The following ACER3 variants were observed in gnomAD, a reference collection of about 807,000 sequenced individuals.
ACER3 encodes the protein alkaline ceramidase 3.
In ACER3, 16 loss-of-function variants were observed where a neutral mutation model predicts 48.9. That is an observed-to-expected ratio of 0.33 (90% CI 0.22 to 0.50). ACER3 has a LOEUF of 0.50. ACER3 is among the 20% of genes least tolerant of loss of function. The pLI is 0.98. For missense variants in ACER3, 227 were observed against 326.0 expected, an observed-to-expected ratio of 0.70 and a Z score of 2.34; for synonymous variants, 109 against 107.8, an observed-to-expected ratio of 1.01 and a Z score of -0.07.
chr11:76,947,855 T>C (rs983487105), intron 2 of ACER3, among the ~76,000 whole-genome samples: 4 of 152,220 alleles, frequency 2.6e-5, no homozygotes, highest in African/African-American at 9.6e-5. Context: ...ACATTTGGAA[T>C]AAACATGTTT....
chr11:77,016,531 A>T (rs1426121998), intron 8 of ACER3, 144 bp from the exon 9 acceptor site: 1 of 462,038 alleles, frequency 2.2e-6, no homozygotes, highest in Non-Finnish European at 3.9e-6. Flanking sequence ...TACTTTGGAT[A>T]ACAATGTGGC....
At chr11:76,965,988 G>T (rs1313403723) in intron 3 of ACER3, among the ~76,000 whole-genome samples, 1 of 151,266 alleles carries the variant, frequency 6.6e-6, no homozygotes, top group Non-Finnish European at 1.5e-5. Flanking sequence ...TGGGCTAAAT[G>T]CTCCAATTAA....
intron 1 of ACER3, among the ~76,000 whole-genome samples, chr11:76,878,706 A>C (rs986162313): frequency 1.3e-5 from 2 of 152,048 alleles, no homozygotes; most frequent in African/African-American, 4.8e-5. Flanking sequence ...TGGAATTGCC[A>C]GGTTAGGGTT....
At chr11:76,977,056 G>A (rs1369021324) in intron 4 of ACER3, among the ~76,000 whole-genome samples, 1 of 152,232 alleles carries the variant, frequency 6.6e-6, no homozygotes, top group East Asian at 1.9e-4. Context: ...AGTGTACAAT[G>A]CCATCTCTAA....
intron 1 of ACER3, among the ~76,000 whole-genome samples, chr11:76,873,198 C>A (rs1350758910): frequency 6.6e-6 from 1 of 152,120 alleles, no homozygotes; most frequent in African/African-American, 2.4e-5. Context: ...TAAGCCACCA[C>A]GCCTGGCTGA....
intron 6 of ACER3, among the ~76,000 whole-genome samples, chr11:76,996,014 C>T (rs184589094): frequency 1.3e-5 from 2 of 152,086 alleles, no homozygotes; most frequent in African/African-American, 4.8e-5. Context: ...AACGTATATG[C>T]AGAAGTGAAC....
At chr11:76,863,379 T>G (rs917875942) in intron 1 of ACER3, among the ~76,000 whole-genome samples, 1 of 152,278 alleles carries the variant, frequency 6.6e-6, no homozygotes, top group East Asian at 1.9e-4. Context: ...CTGAGCAGAC[T>G]GCAGGGAGGG....
chr11:76,890,680 A>G (rs1005422576), intron 1 of ACER3, among the ~76,000 whole-genome samples: 3 of 152,242 alleles, frequency 2.0e-5, no homozygotes, highest in African/African-American at 7.2e-5. Flanking sequence ...ACAAAATGTT[A>G]ATCCAGTAAA....
intron 1 of ACER3, among the ~76,000 whole-genome samples, chr11:76,865,172 AC>A (rs1279117510): frequency 2.8e-5 from 4 of 142,428 alleles, no homozygotes; most frequent in African/African-American, 1.0e-4. Context: ...TTTAGTAGAG[AC>A]AGGGTTTTGC....
At chr11:76,991,379 C>A (rs1428526084) in intron 6 of ACER3, among the ~76,000 whole-genome samples, 1 of 152,184 alleles carries the variant, frequency 6.6e-6, no homozygotes, top group African/African-American at 2.4e-5. Flanking sequence ...TACTAATGTT[C>A]TTGTAACTTT....
chr11:76,888,118 C>T (rs1325627194), intron 1 of ACER3, among the ~76,000 whole-genome samples: 1 of 152,034 alleles, frequency 6.6e-6, no homozygotes, highest in Admixed American at 6.6e-5. Context: ...TTATTATTGC[C>T]CTCTGTTAGG....
intron 2 of ACER3, among the ~76,000 whole-genome samples, chr11:76,954,722 T>C (rs1947791405): frequency 6.6e-6 from 1 of 151,784 alleles, no homozygotes; most frequent in African/African-American, 2.4e-5. Flanking sequence ...CACCTCAGCC[T>C]CCCAAGTAGC....
chr11:76,894,604 G>T (rs141444832), intron 1 of ACER3, among the ~76,000 whole-genome samples: 218 of 152,292 alleles, frequency 1.4e-3, no homozygotes, highest in African/African-American at 5.1e-3. Flanking sequence ...GGAATTAAAT[G>T]TTAATGGATA....
intron 1 of ACER3, among the ~76,000 whole-genome samples, chr11:76,872,922 T>TTTTTTTTTTTTA (rs1945282729): frequency 7.1e-6 from 1 of 141,246 alleles, no homozygotes; most frequent in African/African-American, 2.7e-5. Context: ...TTTTTTTTTT[T>TTTTTTTTTTTTA]TTTTTTTGAG....
intron 3 of ACER3, among the ~76,000 whole-genome samples, chr11:76,959,693 C>A (rs1034643275): frequency 6.6e-6 from 1 of 152,098 alleles, no homozygotes; most frequent in Non-Finnish European, 1.5e-5. Flanking sequence ...GCTAGGACTA[C>A]AGGCACCCAC....
chr11:76,883,143 T>G (rs1043117242), intron 1 of ACER3, among the ~76,000 whole-genome samples: 72 of 152,358 alleles, frequency 4.7e-4, no homozygotes, highest in African/African-American at 1.5e-3. Context: ...TCTTGAAATG[T>G]GTACCCTGCA....
rs190761567 is a variant in ACER3 at position 76,924,239 on chromosome 11, C to T, written c.104-2318C>T. The stretch of plus-strand genomic sequence containing the variant: ...TTGTTTCATATATTTTGTCTCCTCT[C>T]CCCTTCCCTCTGCTCCCCTCTTCTT... On this transcript the variant is annotated intron_variant, in intron 1 of 10. Transcript: ENST00000532485. 3.9e-5 allele frequency among the ~76,000 whole-genome samples: 6 copies of T among 152,270 alleles called. No individual in the cohort carries two copies. In the East Asian group the frequency reaches 9.6e-4, roughly 24 times the overall value.
intron 4 of ACER3, 121 bp from the exon 5 acceptor site, chr11:76,985,522 G>A: frequency 1.6e-6 from 1 of 619,890 alleles, no homozygotes; most frequent in African/African-American, 1.9e-5. Context: ...TTCTCTATGA[G>A]TGGAAAGAAA....
At position 76,871,615 on chromosome 11, in the gene ACER3, T is replaced by C. The variant is rs533269141; in HGVS notation, c.103+10536T>C. 1.2e-4 allele frequency among the ~76,000 whole-genome samples: 18 copies of C among 152,342 alleles called. No homozygotes were observed. The South Asian group carries it at 3.7e-3, about 32-fold the overall frequency. On this transcript the variant is annotated intron_variant, in intron 1 of 10. Coordinates refer to ENST00000532485, the MANE Select transcript of ACER3 (RefSeq NM_018367.7). ...AAGGGTTTTTAGAGACCAAGGTTCT[T>C]ATTATGTAGATGAAGTCTCATTGAT...
Sources: allele counts gnomAD v4.1 joint callset (sites outside exome capture counted in the v4.1 genomes callset), GRCh38; gene constraint gnomAD v4.1.1; transcripts MANE v1.5; gene names NCBI Gene and HGNC (gene_info 2026-07-23, HGNC 2026-07-21).